SUSD6: variants seen among roughly 807,000 people sequenced by gnomAD.
SUSD6 encodes the protein sushi domain-containing protein 6.
Under a neutral mutation model 28.4 loss-of-function variants are expected in SUSD6, and 16 were observed. That is an observed-to-expected ratio of 0.56 (90% CI 0.38 to 0.86). The LOEUF is 0.86. Among genes scored for constraint, SUSD6 ranks in the 40% least tolerant of loss-of-function variants. SUSD6 has a pLI of 0.00. For missense variants in SUSD6, 341 were observed against 384.2 expected (o/e 0.89, Z 0.94); for synonymous variants, 147 against 159.6 (o/e 0.92, Z 0.59).
At position 69,611,758 on chromosome 14, in the gene SUSD6, T is replaced by A. The variant is rs1884876680; in HGVS notation, c.-151T>A. ...GGGCCTCGCCTAGACCCGAGAAGACTGCGGGCGCGCGCAAGCGGCGGCGTG... is the reference window on the plus strand; with the variant it reads ...GGGCCTCGCCTAGACCCGAGAAGACAGCGGGCGCGCGCAAGCGGCGGCGTG... On this transcript the variant is annotated 5_prime_UTR_variant, in exon 1 of 6. Coordinates refer to ENST00000342745, the MANE Select transcript of SUSD6 (RefSeq NM_014734.4). The A allele has an allele frequency of 1.4e-5, 2 of 147,214 alleles. No individual in the cohort carries two copies. Among genetic ancestry groups the A allele is most frequent in the African/African-American group, 4.9e-5 (2 of 40,700 alleles). The allele number at this position is 147,214 out of a possible 1,614,324, so 9.1% of individuals were successfully genotyped here.
chr14:69,657,313 G>A (rs1885597622), intron 1 of SUSD6, among the ~76,000 whole-genome samples: 2 of 152,136 alleles, frequency 1.3e-5, no homozygotes, highest in Admixed American at 6.5e-5. Flanking sequence ...AAATTAGCTG[G>A]GTGTGGTGGC....
intron 1 of SUSD6, among the ~76,000 whole-genome samples, chr14:69,657,196 C>T (rs1885596159): frequency 6.6e-6 from 1 of 152,168 alleles, no homozygotes; most frequent in Non-Finnish European, 1.5e-5. Flanking sequence ...TGGTTCACGC[C>T]TGTAATCCCA....
intron 2 of SUSD6, among the ~76,000 whole-genome samples, chr14:69,700,379 A>G (rs965431797): frequency 6.6e-6 from 1 of 152,202 alleles, no homozygotes; most frequent in East Asian, 1.9e-4. Context: ...ATCAAATTAT[A>G]AATTTGCTTT....
At chr14:69,676,628 C>G (rs1260974138) in intron 2 of SUSD6, among the ~76,000 whole-genome samples, 1 of 152,164 alleles carries the variant, frequency 6.6e-6, no homozygotes, top group Non-Finnish European at 1.5e-5. Flanking sequence ...CTCTTAGGCT[C>G]AAGCAGTCCT....
At chr14:69,708,408 G>A (rs987002448) in intron 4 of SUSD6, among the ~76,000 whole-genome samples, 1 of 152,154 alleles carries the variant, frequency 6.6e-6, no homozygotes, top group African/African-American at 2.4e-5. Context: ...TGATGGAACC[G>A]GATTCAAATC....
intron 5 of SUSD6, among the ~76,000 whole-genome samples, chr14:69,710,714 A>G (rs1299367688): frequency 6.6e-6 from 1 of 152,204 alleles, no homozygotes; most frequent in Admixed American, 6.5e-5. Flanking sequence ...AGAGAGGAGG[A>G]TGGTTTGAAT....
In SUSD6 at chr14:69,704,701, T is replaced by G. The variant is rs2275124; in HGVS notation, c.417T>G (p.Phe139Leu). The G allele has an allele frequency of 4.6e-5, 75 of 1,614,064 alleles. No homozygotes were observed. The highest frequency in any genetic ancestry group is 5.8e-5 in the Non-Finnish European group (69 of 1,180,034). Residue 139 changes from phenylalanine to leucine, a missense_variant, in exon 4 of 6, where the codon TTT (phenylalanine) becomes TTG (leucine). Physicochemically the swap from Phe to Leu is conservative, Grantham distance 22. Transcript: ENST00000342745. ...VALILLLVVL[F>L]VLLQPKLKSF... ...TCATTCTCCTCCTCGTGGTGCTGTT[T>G]GTGCTGCTGCAGCCAAAGCTGAAGT...
intron 2 of SUSD6, among the ~76,000 whole-genome samples, chr14:69,666,633 C>A (rs1233281434): frequency 1.3e-5 from 2 of 152,126 alleles, no homozygotes; most frequent in African/African-American, 4.8e-5. Context: ...CTTTTAGGAG[C>A]CCCTTTCTAC....
At chr14:69,710,276 G>A (rs1454392130) in intron 5 of SUSD6, among the ~76,000 whole-genome samples, 1 of 152,184 alleles carries the variant, frequency 6.6e-6, no homozygotes, top group African/African-American at 2.4e-5. Context: ...AGCATTTTGA[G>A]AGGCCATCTT....
intron 2 of SUSD6, among the ~76,000 whole-genome samples, chr14:69,664,429 C>T (rs763935738): frequency 1.3e-5 from 2 of 152,172 alleles, no homozygotes; most frequent in African/African-American, 2.4e-5. Flanking sequence ...GTTCCCAAAA[C>T]ATCCGCAAAG....
Position 69,658,733 on chromosome 14 carries a change from C to G in SUSD6, c.121+20C>G. The G allele has an allele frequency of 2.5e-6, 4 of 1,613,754 alleles. No homozygotes were observed. Among genetic ancestry groups the G allele is most frequent in the Non-Finnish European group, 3.4e-6 (4 of 1,179,812 alleles). On this transcript the variant is annotated intron_variant, in intron 2 of 5. Transcript: ENST00000342745. ...CTTCCGGTAAGTCCTGACCTGCCTT[C>G]TGTGTGTGGGTGGGAAAATATTTAA... is the stretch of plus-strand genomic sequence containing the variant.
chr14:69,703,087 C>T (rs1474820744), intron 2 of SUSD6, among the ~76,000 whole-genome samples: 1 of 152,122 alleles, frequency 6.6e-6, no homozygotes, highest in Non-Finnish European at 1.5e-5. Flanking sequence ...TTTATTAAAA[C>T]TATTATGTCT....
At chr14:69,618,268 G>A (rs1203099484) in intron 1 of SUSD6, among the ~76,000 whole-genome samples, 10 of 152,174 alleles carry the variant, frequency 6.6e-5, no homozygotes, top group Non-Finnish European at 1.0e-4. Flanking sequence ...TGTATTACGT[G>A]TAAATGAAAC....
intron 1 of SUSD6, among the ~76,000 whole-genome samples, chr14:69,625,880 G>A (rs1351554162): frequency 1.3e-5 from 2 of 152,158 alleles, no homozygotes; most frequent in African/African-American, 2.4e-5. Flanking sequence ...CACCACCCGC[G>A]TCTGCTCATC....
chr14:69,636,000 T>G (rs895361415), intron 1 of SUSD6, among the ~76,000 whole-genome samples: 6 of 152,260 alleles, frequency 3.9e-5, no homozygotes, highest in African/African-American at 1.4e-4. Flanking sequence ...TTTAGTAAGT[T>G]GGTTTAACCC....
At chr14:69,632,877 G>A (rs181102182) in intron 1 of SUSD6, among the ~76,000 whole-genome samples, 22 of 152,078 alleles carry the variant, frequency 1.4e-4, no homozygotes, top group Admixed American at 1.2e-3. Flanking sequence ...TCAGTGACCC[G>A]CCCTCCCAGT....
rs1262376312 is a variant in SUSD6, at chr14:69,690,846, G to A, written c.122-12549G>A. Among the ~76,000 whole-genome samples the A allele has an allele frequency of 2.6e-5, 4 of 152,216 alleles. No homozygotes were observed. In the East Asian group the frequency reaches 5.8e-4, roughly 22 times the overall value. On this transcript the variant is annotated intron_variant, in intron 2 of 5. Transcript: ENST00000342745. ...TGCACAGTGAGTACAGAGTTCCTTA[G>A]GCTTGTTGGTTTAGAGGCAATAGAG...
chr14:69,646,501 A>G (rs1184480312), intron 1 of SUSD6, among the ~76,000 whole-genome samples: 1 of 152,012 alleles, frequency 6.6e-6, no homozygotes. Flanking sequence ...TTTCACATTC[A>G]TTTCTAATTT....
Position 69,681,283 on chromosome 14 carries a change from C to G in SUSD6, c.122-22112C>G, listed in dbSNP as rs569116823. Among the ~76,000 whole-genome samples the G allele has an allele frequency of 2.0e-5, 3 of 152,302 alleles. No homozygotes were observed. In the East Asian group the frequency reaches 5.8e-4, roughly 29 times the overall value. On this transcript the variant is annotated intron_variant, in intron 2 of 5. Coordinates refer to ENST00000342745, the MANE Select transcript of SUSD6 (RefSeq NM_014734.4). ...GCATTAATGCTGTCTGCAGAAAGGTCCTGCTCAGGGAAAAAATTCTGGATG... is the reference window on the plus strand; with the variant it reads ...GCATTAATGCTGTCTGCAGAAAGGTGCTGCTCAGGGAAAAAATTCTGGATG...
Sources: allele counts gnomAD v4.1 joint callset (sites outside exome capture counted in the v4.1 genomes callset), GRCh38; gene constraint gnomAD v4.1.1; transcripts MANE v1.5; gene names NCBI Gene and HGNC (gene_info 2026-07-23, HGNC 2026-07-21).